The following ERBB4 variants were observed in gnomAD, a reference collection of about 807,000 sequenced individuals.
ERBB4 encodes the protein erb-b2 receptor tyrosine kinase 4.
ERBB4 carries 42 observed loss-of-function variants against 158.0 expected under a neutral mutation model. That is an observed-to-expected ratio of 0.27 (90% CI 0.21 to 0.34). The LOEUF is 0.34. ERBB4 is among the 10% of genes least tolerant of loss of function. The pLI, the probability that ERBB4 is intolerant of heterozygous loss-of-function variation, is 1.00. For synonymous variants in ERBB4, 583 were observed against 558.7 expected (o/e 1.04, Z -0.61); for missense variants, 1,333 against 1,624.1 (o/e 0.82, Z 3.08).
chr2:212,140,565 C>G (rs2080428872), intron 1 of ERBB4, among the ~76,000 whole-genome samples: 1 of 149,526 alleles, frequency 6.7e-6, no homozygotes, highest in Non-Finnish European at 1.5e-5. Flanking sequence ...GACAAACATT[C>G]TATAATATGC....
chr2:211,724,329 G>T (rs1326150922), intron 6 of ERBB4, among the ~76,000 whole-genome samples: 1 of 150,408 alleles, frequency 6.6e-6, no homozygotes, highest in African/African-American at 2.4e-5. Flanking sequence ...TTTGCTCATT[G>T]CTGGAATTAA....
intron 2 of ERBB4, among the ~76,000 whole-genome samples, chr2:211,984,384 A>G (rs2081884712): frequency 6.6e-6 from 1 of 152,210 alleles, no homozygotes; most frequent in South Asian, 2.1e-4. Context: ...TGAAAAAAGT[A>G]TCTTTATAAT....
chr2:212,432,778 A>G lies in ERBB4; in HGVS notation c.82+105671T>C, dbSNP rs75924687. Among the ~76,000 whole-genome samples, 1,247 of 152,242 alleles carry G rather than the reference A, an allele frequency of 8.2e-3. 11 individuals are homozygous for G. Among genetic ancestry groups the G allele is most frequent in the African/African-American group, 0.028 (1,180 of 41,556 alleles). The stretch of plus-strand genomic sequence containing the variant: ...AAGGTGAAAACTCTTTTAAAGAACG[A>G]CTTCTGAGAGACAATCCTTTAGTTT... On this transcript the variant is annotated intron_variant, in intron 1 of 27. Transcript: ENST00000342788.
intron 1 of ERBB4, among the ~76,000 whole-genome samples, chr2:212,147,186 T>TTTTTA (rs2080709099): frequency 7.2e-6 from 1 of 138,574 alleles, no homozygotes; most frequent in Non-Finnish European, 1.5e-5. Flanking sequence ...TTTTTTTTTT[T>TTTTTA]GTAGAGATGG....
At chr2:212,247,541 AAATATTTGATGTAT>A (rs2084355113) in intron 1 of ERBB4, among the ~76,000 whole-genome samples, 1 of 152,212 alleles carries the variant, frequency 6.6e-6, no homozygotes, top group Non-Finnish European at 1.5e-5. Flanking sequence ...AATTGGTTGA[AAATATTTGATGTAT>A]CTACTTGCAG....
At chr2:211,445,633 C>T (rs541080663) in intron 20 of ERBB4, among the ~76,000 whole-genome samples, 92 of 152,050 alleles carry the variant, frequency 6.1e-4, no homozygotes, top group Non-Finnish European at 8.5e-4. Flanking sequence ...AGAAGGGGGA[C>T]CTTTGAATTT....
chr2:211,647,374 T>A (rs953826086), intron 16 of ERBB4, among the ~76,000 whole-genome samples: 7 of 151,766 alleles, frequency 4.6e-5, no homozygotes, highest in Admixed American at 2.6e-4. Context: ...CTCATCTACA[T>A]TTCTCAAAAG....
At chr2:212,324,021 A>AT (rs2106273201) in intron 1 of ERBB4, among the ~76,000 whole-genome samples, 1 of 150,426 alleles carries the variant, frequency 6.6e-6, no homozygotes, top group African/African-American at 2.4e-5. Context: ...ACTCATACGA[A>AT]TTTCCAGAAT....
In ERBB4 at chr2:211,494,806, A is replaced by G. The variant is rs976986486; in HGVS notation, c.2488-63706T>C. Among the ~76,000 whole-genome samples, 7 of 152,140 alleles carry G rather than the reference A, an allele frequency of 4.6e-5. No individual in the cohort carries two copies. In the East Asian group the frequency reaches 1.4e-3, roughly 29 times the overall value. ...GGCTGCTTTCAGAGGGCAGCTGTTC[A>G]TCTGCCAGTCATCTCATGTGAACCA... On this transcript the variant is annotated intron_variant, in intron 20 of 27. Coordinates refer to ENST00000342788, the MANE Select transcript of ERBB4 (RefSeq NM_005235.3).
intron 1 of ERBB4, among the ~76,000 whole-genome samples, chr2:212,448,146 G>A (rs980285971): frequency 2.0e-5 from 3 of 152,052 alleles, no homozygotes; most frequent in Non-Finnish European, 4.4e-5. Flanking sequence ...ATATTATCAT[G>A]ACATGTCAGG....
At chr2:212,429,310 T>C (rs1560296545) in intron 1 of ERBB4, 2 of 152,160 alleles carry the variant, frequency 1.3e-5, no homozygotes, top group African/African-American at 2.4e-5. Context: ...AATGGGTCAT[T>C]GGACAATCCT....
chr2:212,191,678 GTGTTATA>G (rs2082219991), intron 1 of ERBB4, among the ~76,000 whole-genome samples: 1 of 52,286 alleles, frequency 1.9e-5, no homozygotes, highest in East Asian at 1.2e-3. Flanking sequence ...TATATCGCGT[GTGTTATA>G]CATGTTACAT....
chr2:211,889,610 G>A (rs894173992), intron 3 of ERBB4, among the ~76,000 whole-genome samples: 3 of 149,406 alleles, frequency 2.0e-5, no homozygotes, highest in African/African-American at 5.0e-5. Flanking sequence ...ATTACTCCGA[G>A]CTACGGGAGG....
At chr2:212,250,719 G>C (rs1010353932) in intron 1 of ERBB4, among the ~76,000 whole-genome samples, 1 of 151,334 alleles carries the variant, frequency 6.6e-6, no homozygotes, top group Admixed American at 6.6e-5. Flanking sequence ...TTCCCTTCAC[G>C]TTCTAGGCAG....
At chr2:211,804,256 A>C (rs1352584679) in intron 3 of ERBB4, among the ~76,000 whole-genome samples, 4 of 152,206 alleles carry the variant, frequency 2.6e-5, no homozygotes, top group African/African-American at 7.2e-5. Context: ...TTAAATTATA[A>C]TTTAGAAAAA....
chr2:211,629,465 TC>T, intron 17 of ERBB4, among the ~76,000 whole-genome samples: 1 of 152,254 alleles, frequency 6.6e-6, no homozygotes, highest in Non-Finnish European at 1.5e-5. Context: ...AAAATGGCCA[TC>T]CTGCCCAAGG....
At position 212,379,004 on chromosome 2, in the gene ERBB4, C is replaced by G. The variant is rs2090418935; in HGVS notation, c.82+159445G>C. ...TGTAATTTTGAAAAATTTTAAATGTCATTACATTTATAGTAGAAATAATCA... is the reference window on the plus strand; with the variant it reads ...TGTAATTTTGAAAAATTTTAAATGTGATTACATTTATAGTAGAAATAATCA... On this transcript the variant is annotated intron_variant, in intron 1 of 27. Transcript: ENST00000342788. Among the ~76,000 whole-genome samples the G allele has an allele frequency of 5.3e-5, 8 of 151,448 alleles. No homozygotes were observed. The South Asian group carries it at 1.5e-3, about 28-fold the overall frequency.
chr2:212,148,703 GAC>G (rs2080765470), intron 1 of ERBB4, among the ~76,000 whole-genome samples: 1 of 150,960 alleles, frequency 6.6e-6, no homozygotes. Flanking sequence ...CTGCTATAAA[GAC>G]ACATGCACAC....
intron 3 of ERBB4, among the ~76,000 whole-genome samples, chr2:211,840,828 T>C (rs982699854): frequency 6.6e-6 from 1 of 152,274 alleles, no homozygotes; most frequent in East Asian, 1.9e-4. Context: ...AATGCATTTA[T>C]GTAATTTATA....
Sources: allele counts gnomAD v4.1 joint callset (sites outside exome capture counted in the v4.1 genomes callset), GRCh38; gene constraint gnomAD v4.1.1; transcripts MANE v1.5; gene names NCBI Gene and HGNC (gene_info 2026-07-23, HGNC 2026-07-21).